Variants in MARCHF10 observed in about 807,000 individuals in gnomAD.
MARCHF10 encodes probable E3 ubiquitin-protein ligase MARCHF10.
In MARCHF10, 64 loss-of-function variants were observed where a neutral mutation model predicts 76.2. That is an observed-to-expected ratio of 0.84 (90% CI 0.69 to 1.03). The LOEUF (loss-of-function observed/expected upper bound fraction) is 1.03. Ranked by LOEUF, MARCHF10 falls within the 50% of genes least tolerant of loss-of-function variation. The pLI, the probability that MARCHF10 is intolerant of heterozygous loss-of-function variation, is 0.00. For synonymous variants in MARCHF10, 340 were observed against 357.5 expected (o/e 0.95, Z 0.55); for missense variants, 875 against 958.0 (o/e 0.91, Z 1.14).
Position 62,737,188 on chromosome 17 carries a change from G to A in MARCHF10, c.680C>T (p.Ser227Phe), listed in dbSNP as rs113159298. The A allele has an allele frequency of 2.5e-5, 41 of 1,613,972 alleles. 1 individual carries two copies. In the African/African-American group the frequency reaches 3.2e-4, roughly 13 times the overall value. The stretch of plus-strand genomic sequence containing the variant: ...CAGGGCTGGATGCAGCTCACTCTGG[G>A]AAGGAGCACTCGGGTCTCCTTTTTT... ...RAKKGDPSAP[S>F]QSELHPALSQ... is the part of the protein sequence containing the mutation. The change falls in exon 6 of 11, where the codon TCC (serine) becomes TTC (phenylalanine). Residue 227 changes from serine (S) to phenylalanine (F), a missense_variant. Physicochemically the swap from Ser to Phe is radical, Grantham distance 155. Coordinates refer to ENST00000311269, the MANE Select transcript of MARCHF10 (RefSeq NM_152598.4).
At chr17:62,746,761 G>T in intron 4 of MARCHF10, 1 of 820,384 alleles carries the variant, frequency 1.2e-6, no homozygotes, top group Non-Finnish European at 1.9e-6. Context: ...ATTTCACTTT[G>T]ATTTCCAGCA....
At chr17:62,778,682 C>CAAAA (rs71357038) in intron 3 of MARCHF10, among the ~76,000 whole-genome samples, 1 of 100,804 alleles carries the variant, frequency 9.9e-6, no homozygotes, top group African/African-American at 3.6e-5. Flanking sequence ...GACTCTGTCT[C>CAAAA]AAAAAAAAAA....
chr17:62,766,832 C>T (rs2092344554), intron 3 of MARCHF10, among the ~76,000 whole-genome samples: 1 of 152,090 alleles, frequency 6.6e-6, no homozygotes, highest in South Asian at 2.1e-4. Flanking sequence ...CAGAAATAAG[C>T]TGACAAGGAG....
intron 2 of MARCHF10, among the ~76,000 whole-genome samples, chr17:62,800,661 G>A (rs1479067459): frequency 6.6e-6 from 1 of 152,170 alleles, no homozygotes; most frequent in Non-Finnish European, 1.5e-5. Flanking sequence ...GGGAAGGAGC[G>A]CTTTTCAATC....
At chr17:62,731,547 G>C (rs932965555) in intron 6 of MARCHF10, among the ~76,000 whole-genome samples, 5 of 152,168 alleles carry the variant, frequency 3.3e-5, no homozygotes, top group African/African-American at 1.2e-4. Context: ...TTACAGGAGT[G>C]AGCCACTGTG....
chr17:62,738,578 G>T lies in MARCHF10; in HGVS notation c.536-1246C>A, dbSNP rs1439219776. Among the ~76,000 whole-genome samples the T allele has an allele frequency of 6.6e-6, 1 of 152,146 alleles. No homozygotes were observed. Among genetic ancestry groups the T allele is most frequent in the Non-Finnish European group, 1.5e-5 (1 of 68,038 alleles). On this transcript the variant is annotated intron_variant, in intron 5 of 10. Transcript: ENST00000311269. The surrounding 1 kb of genome is among the most constrained non-coding windows in gnomAD (Gnocchi z 4.0). ...GACGGGACTCCACGGGCCCTGGAAGGTCTGTGTTGATAACAGCTCGGGCTG... is the reference window on the plus strand; with the variant it reads ...GACGGGACTCCACGGGCCCTGGAAGTTCTGTGTTGATAACAGCTCGGGCTG...
chr17:62,737,133 A>G lies in MARCHF10; in HGVS notation c.735T>C (p.Pro245=). 1 of 1,613,858 alleles carries G rather than the reference A, an allele frequency of 6.2e-7. No individual in the cohort carries two copies. The highest frequency in any genetic ancestry group is 8.5e-7 in the Non-Finnish European group (1 of 1,179,976). Residue 245 remains proline, a synonymous_variant, in exon 6 of 11, where the codon CCT becomes CCC. Coordinates refer to ENST00000311269, the MANE Select transcript of MARCHF10 (RefSeq NM_152598.4). ...GCCCCGAGAACTCACTCAATACTTG[A>G]GGACTATTTTTTCCTTGGAAGGCCT... The part of the protein sequence containing the change: ...LSQAFQGKNS[P]QVLSEFSGPP...
intron 3 of MARCHF10, among the ~76,000 whole-genome samples, chr17:62,762,185 G>A (rs569126551): frequency 6.6e-6 from 1 of 152,160 alleles, no homozygotes; most frequent in South Asian, 2.1e-4. Context: ...GTTAAGCCAC[G>A]TTTATCCTTC....
At chr17:62,780,597 A>G (rs2092640079) in intron 3 of MARCHF10, among the ~76,000 whole-genome samples, 1 of 152,164 alleles carries the variant, frequency 6.6e-6, no homozygotes, top group Non-Finnish European at 1.5e-5. Context: ...CCTGGAATCT[A>G]AATATTTAGC....
At position 62,716,096 on chromosome 17, in the gene MARCHF10, G is replaced by C. The variant is rs183834328; in HGVS notation, c.2215-4752C>G. ...TGTTAAACATCTCTTCTTCAGAAAG[G>C]CCTTCTCTGGTTCAGAGAGCAAGTC... On this transcript the variant is annotated intron_variant, in intron 8 of 10. Transcript: ENST00000311269. 3.9e-5 allele frequency among the ~76,000 whole-genome samples: 6 copies of C among 152,188 alleles called. No individual in the cohort carries two copies. In the East Asian group the frequency reaches 1.2e-3, roughly 29 times the overall value.
chr17:62,776,276 C>T (rs2092553309), intron 3 of MARCHF10, among the ~76,000 whole-genome samples: 1 of 152,200 alleles, frequency 6.6e-6, no homozygotes, highest in South Asian at 2.1e-4. Flanking sequence ...ACACAGGGAA[C>T]CCTTTGGGTC....
chr17:62,713,506 C>T (rs904250198), intron 8 of MARCHF10, among the ~76,000 whole-genome samples: 3 of 152,214 alleles, frequency 2.0e-5, no homozygotes, highest in African/African-American at 7.2e-5. Flanking sequence ...TGCCATCAAT[C>T]TCGCCGGCTC....
At position 62,712,161 on chromosome 17, in the gene MARCHF10, G is replaced by A. The variant is rs143660900; in HGVS notation, c.2215-817C>T. Among the ~76,000 whole-genome samples the A allele has an allele frequency of 6.8e-3, 1,035 of 152,308 alleles. 9 individuals carry two copies. The highest frequency in any genetic ancestry group is 0.024 in the African/African-American group (999 of 41,556). On this transcript the variant is annotated intron_variant, in intron 8 of 10. Transcript: ENST00000311269. The surrounding 1 kb of genome is among the most constrained non-coding windows in gnomAD (Gnocchi z 4.2). ...CTATCCCTCTATAGGGGAAGGAGGG[G>A]AAGGCCCTTTCAGTCCCCATCTTTC...
intron 3 of MARCHF10, among the ~76,000 whole-genome samples, 158 bp from the exon 4 acceptor site, chr17:62,760,164 G>A (rs1255688741): frequency 1.3e-5 from 2 of 151,756 alleles, no homozygotes; most frequent in East Asian, 3.9e-4. Context: ...AGATTCAGAT[G>A]GACTGGGCAG....
At chr17:62,806,071 G>T (rs967239680) in intron 1 of MARCHF10, among the ~76,000 whole-genome samples, 16 of 152,080 alleles carry the variant, frequency 1.1e-4, no homozygotes, top group African/African-American at 3.9e-4. Flanking sequence ...GTCTTCATGA[G>T]ATTAAACAAA....
intron 8 of MARCHF10, among the ~76,000 whole-genome samples, chr17:62,720,975 C>T (rs552548388): frequency 1.4e-5 from 2 of 145,114 alleles, no homozygotes; most frequent in African/African-American, 5.2e-5. Context: ...TCAAGCGATT[C>T]TCAAGCCTCA....
intron 3 of MARCHF10, among the ~76,000 whole-genome samples, chr17:62,772,999 C>T (rs75217288): frequency 0.027 from 4,147 of 152,140 alleles, 68 homozygotes; most frequent in East Asian, 0.059. Context: ...TTTGAAAGCC[C>T]GTGTATCTCA....
intron 3 of MARCHF10, among the ~76,000 whole-genome samples, chr17:62,787,787 A>G (rs962490877): frequency 1.3e-5 from 2 of 151,634 alleles, no homozygotes; most frequent in Non-Finnish European, 2.9e-5. Flanking sequence ...AGGATAGGTG[A>G]TAGATATATA....
rs1461627037 is a variant in MARCHF10, at chr17:62,712,211, G to T, written c.2215-867C>A. Among the ~76,000 whole-genome samples, 2 of 152,226 alleles carry T rather than the reference G, an allele frequency of 1.3e-5. No individual in the cohort carries two copies. Among genetic ancestry groups the T allele is most frequent in the African/African-American group, 4.8e-5 (2 of 41,466 alleles). On this transcript the variant is annotated intron_variant, in intron 8 of 10. Transcript: ENST00000311269. The surrounding 1 kb of genome is among the most constrained non-coding windows in gnomAD (Gnocchi z 4.2). The stretch of plus-strand genomic sequence containing the variant: ...CCCTTGAGTGGGGGTCTTGGGATGG[G>T]CCAGGCTGTGCTCACAAAGCCACCC...
Sources: allele counts gnomAD v4.1 joint callset (sites outside exome capture counted in the v4.1 genomes callset), GRCh38; gene constraint gnomAD v4.1.1; non-coding constraint Gnocchi (gnomAD v3.1); transcripts MANE v1.5; gene names NCBI Gene and HGNC (gene_info 2026-07-23, HGNC 2026-07-21).